The following KIRREL3 variants were observed in gnomAD, a reference collection of about 807,000 sequenced individuals.
The protein encoded by KIRREL3 is kirre like nephrin family adhesion molecule 3.
In KIRREL3, 36 loss-of-function variants were observed where a neutral mutation model predicts 89.7. That is an observed-to-expected ratio of 0.40 (90% CI 0.31 to 0.53). The LOEUF is 0.53. KIRREL3 is among the 20% of genes least tolerant of loss of function. The pLI, the probability that KIRREL3 is intolerant of heterozygous loss-of-function variation, is 0.49. For missense variants in KIRREL3, 864 were observed against 1,056.6 expected, an observed-to-expected ratio of 0.82 and a Z score of 2.53; for synonymous variants, 445 against 441.4, an observed-to-expected ratio of 1.01 and a Z score of -0.10.
At chr11:126,728,656 T>C (rs12807269) in intron 1 of KIRREL3, among the ~76,000 whole-genome samples, 24,495 of 152,016 alleles carry the variant, frequency 0.16, 2,439 homozygotes, top group African/African-American at 0.28. Flanking sequence ...CCTTGACTCT[T>C]TGTATAGGGA....
chr11:126,526,448 C>T lies in KIRREL3; in HGVS notation c.283+90G>A. Reference sequence around the variant, plus strand: ...AGCTAGAGATTCGATACTCAGACACCTGTGAAGATGGGTGCTCCCTAGGAA... The same window carrying T: ...AGCTAGAGATTCGATACTCAGACACTTGTGAAGATGGGTGCTCCCTAGGAA... On this transcript the variant is annotated intron_variant, in intron 3 of 16. Transcript: ENST00000525144. The surrounding 1 kb of genome is among the most constrained non-coding windows in gnomAD (Gnocchi z 5.7). The T allele has an allele frequency of 7.8e-7, 1 of 1,284,900 alleles. No homozygotes were observed. The highest frequency in any genetic ancestry group is 1.4e-5 in the South Asian group (1 of 69,944). 79.6% of individuals were successfully genotyped at this position (1,284,900 alleles called of 1,614,324 possible). A position where few individuals can be genotyped will look rare whatever the true frequency, so the allele number is the denominator to read the frequency against.
rs1391745608 is a variant in KIRREL3 at position 126,544,287 on chromosome 11, C to A, written c.134-17600G>T. 1.3e-5 allele frequency: 2 copies of A among 152,234 alleles called. No homozygotes were observed. The highest frequency in any genetic ancestry group is 2.9e-5 in the Non-Finnish European group (2 of 68,054). 9.4% of individuals were successfully genotyped at this position (152,234 alleles called of 1,614,324 possible). A position where few individuals can be genotyped will look rare whatever the true frequency, so the allele number is the denominator to read the frequency against. On this transcript the variant is annotated intron_variant, in intron 2 of 16. Coordinates refer to ENST00000525144, the MANE Select transcript of KIRREL3 (RefSeq NM_032531.4). The surrounding 1 kb of genome is among the most constrained non-coding windows in gnomAD (Gnocchi z 5.6). ...AATTTACGGGGCAAATACCATTTAA[C>A]TGCACAATAACTGCAGGTCCTTGCT...
chr11:126,479,439 C>G (rs947442018), intron 4 of KIRREL3, among the ~76,000 whole-genome samples: 1 of 152,244 alleles, frequency 6.6e-6, no homozygotes, highest in African/African-American at 2.4e-5. Context: ...CCACTCCAGG[C>G]CAGTGCCCAA....
Position 126,791,058 on chromosome 11 carries a change from G to A in KIRREL3, c.55+209397C>T, listed in dbSNP as rs1950625458. The stretch of plus-strand genomic sequence containing the variant: ...GCATGATGTCACTTCTTAGCTTTGG[G>A]AGGAAAAAATGAGTGATCCTTGAAA... On this transcript the variant is annotated intron_variant, in intron 1 of 16. Transcript: ENST00000525144. The surrounding 1 kb of genome is among the most constrained non-coding windows in gnomAD (Gnocchi z 4.8). Among the ~76,000 whole-genome samples, 2 of 152,250 alleles carry A rather than the reference G, an allele frequency of 1.3e-5. No individual in the cohort carries two copies. Among genetic ancestry groups the A allele is most frequent in the African/African-American group, 4.8e-5 (2 of 41,552 alleles).
At position 126,463,010 on chromosome 11, in the gene KIRREL3, C is replaced by T; in HGVS notation, c.742+147G>A. 1.4e-6 allele frequency: 1 copy of T among 701,648 alleles called. No individual in the cohort carries two copies. The allele number at this position is 701,648 out of a possible 1,614,324, so 43.5% of individuals were successfully genotyped here. On this transcript the variant is annotated intron_variant, in intron 6 of 16. Transcript: ENST00000525144. This position sits in a 1 kb window ranked among gnomAD's most constrained non-coding sequence, Gnocchi z 5.9. ...TGACAGTAAGGAAGACAAGATGGTC[C>T]TTCCTGTCCGTATCTACAAGCTGGC...
intron 4 of KIRREL3, among the ~76,000 whole-genome samples, chr11:126,502,594 A>G (rs2134371661): frequency 6.6e-6 from 1 of 152,336 alleles, no homozygotes; most frequent in East Asian, 1.9e-4. Context: ...TCTAGTCAAT[A>G]AATAAGTGGG....
rs1004535144 is a variant in KIRREL3, at chr11:126,830,060, A to G, written c.55+170395T>C. Reference sequence around the variant, plus strand: ...AAATAAATCCAAGAGTATGGCATTAATAGCCATGTTATGATCTTAAACCTT... The same window carrying G: ...AAATAAATCCAAGAGTATGGCATTAGTAGCCATGTTATGATCTTAAACCTT... On this transcript the variant is annotated intron_variant, in intron 1 of 16. Transcript: ENST00000525144. The surrounding 1 kb of genome is among the most constrained non-coding windows in gnomAD (Gnocchi z 4.9). Among the ~76,000 whole-genome samples, 2 of 152,210 alleles carry G rather than the reference A, an allele frequency of 1.3e-5. No homozygotes were observed. Among genetic ancestry groups the G allele is most frequent in the South Asian group, 2.1e-4 (1 of 4,816 alleles).
chr11:126,781,903 A>G (rs948122534), intron 1 of KIRREL3, among the ~76,000 whole-genome samples: 1 of 152,288 alleles, frequency 6.6e-6, no homozygotes. Context: ...GTTGCTGAAA[A>G]TTTCCCTAAA....
At position 126,805,431 on chromosome 11, in the gene KIRREL3, A is replaced by G. The variant is rs963966519; in HGVS notation, c.55+195024T>C. 3.3e-5 allele frequency among the ~76,000 whole-genome samples: 5 copies of G among 152,296 alleles called. No homozygotes were observed. The East Asian group carries it at 7.7e-4, about 24-fold the overall frequency. On this transcript the variant is annotated intron_variant, in intron 1 of 16. Coordinates refer to ENST00000525144, the MANE Select transcript of KIRREL3 (RefSeq NM_032531.4). This position sits in a 1 kb window ranked among gnomAD's most constrained non-coding sequence, Gnocchi z 4.3. ...CAAAGGTCCTAGTGCACCTCTTTAG[A>G]CAGTTTCCCACACAAGCCTCAGCCC...
chr11:126,464,498 T>A, intron 5 of KIRREL3, among the ~76,000 whole-genome samples: 1 of 151,726 alleles, frequency 6.6e-6, no homozygotes, highest in Admixed American at 6.6e-5. Flanking sequence ...GCCACTGTAC[T>A]CCAGCCAGGG....
chr11:126,552,550 G>GTTTTTGTTTT (rs1939351379), intron 2 of KIRREL3, among the ~76,000 whole-genome samples: 1 of 81,752 alleles, frequency 1.2e-5, no homozygotes, highest in African/African-American at 4.3e-5. Context: ...AGAGAGAAAA[G>GTTTTTGTTTT]TTTTTTTTTT....
In KIRREL3 at chr11:126,664,563, C is replaced by T. The variant is rs1371009077; in HGVS notation, c.56-101651G>A. On this transcript the variant is annotated intron_variant, in intron 1 of 16. Transcript: ENST00000525144. The surrounding 1 kb of genome is among the most constrained non-coding windows in gnomAD (Gnocchi z 5.4). Reference sequence around the variant, plus strand: ...GGATACTGAAAGGGATGAAGAAGTTCGGCCTCACCTCTTGAGGATCATTTC... The same window carrying T: ...GGATACTGAAAGGGATGAAGAAGTTTGGCCTCACCTCTTGAGGATCATTTC... 6.6e-6 allele frequency among the ~76,000 whole-genome samples: 1 copy of T among 152,192 alleles called. No individual in the cohort carries two copies. Among genetic ancestry groups the T allele is most frequent in the Non-Finnish European group, 1.5e-5 (1 of 68,036 alleles).
chr11:126,618,694 C>A (rs1943456670), intron 1 of KIRREL3, among the ~76,000 whole-genome samples: 1 of 152,324 alleles, frequency 6.6e-6, no homozygotes, highest in African/African-American at 2.4e-5. Context: ...CTTGGCCTCC[C>A]AAAGCGCTGG....
At position 126,751,667 on chromosome 11, in the gene KIRREL3, GA is replaced by G. The variant is rs368506233; in HGVS notation, c.56-188756del. Among the ~76,000 whole-genome samples the G allele has an allele frequency of 9.9e-3, 1,419 of 143,288 alleles. 14 individuals are homozygous for G. Among genetic ancestry groups the G allele is most frequent in the African/African-American group, 0.028 (1,115 of 39,230 alleles). The allele number at this position is 143,288 out of a possible 152,430, so 94.0% of individuals were successfully genotyped here. ...ATCCTCACTAAATATTCTTTTTGAG[GA>G]AAAAAAAAAAGAAAATAGTGAGAAC... On this transcript the variant is annotated intron_variant, in intron 1 of 16. Coordinates refer to ENST00000525144, the MANE Select transcript of KIRREL3 (RefSeq NM_032531.4).
At chr11:126,774,183 T>TAA (rs1431553024) in intron 1 of KIRREL3, among the ~76,000 whole-genome samples, 1 of 105,086 alleles carries the variant, frequency 9.5e-6, no homozygotes, top group African/African-American at 3.8e-5. Context: ...TTTTTTTTTT[T>TAA]AAATAAATGA....
intron 1 of KIRREL3, among the ~76,000 whole-genome samples, chr11:126,665,967 G>A (rs764493529): frequency 2.0e-5 from 3 of 152,216 alleles, no homozygotes; most frequent in Non-Finnish European, 2.9e-5. Flanking sequence ...ACTTAGAGTA[G>A]TTTATACTTA....
intron 2 of KIRREL3, among the ~76,000 whole-genome samples, chr11:126,533,686 G>C (rs1193605764): frequency 6.6e-6 from 1 of 152,226 alleles, no homozygotes; most frequent in Non-Finnish European, 1.5e-5. Context: ...GATGAAGGCA[G>C]ATAGTGCAGT....
In KIRREL3 at chr11:126,983,580, T is replaced by C. The variant is rs533818345; in HGVS notation, c.55+16875A>G. Among the ~76,000 whole-genome samples, 1 of 152,142 alleles carries C rather than the reference T, an allele frequency of 6.6e-6. No individual in the cohort carries two copies. Among genetic ancestry groups the C allele is most frequent in the African/African-American group, 2.4e-5 (1 of 41,502 alleles). ...GAGTCAGTAGTAGGTGAGGTGAAGA[T>C]GGAAGCAAGAGGTTGGAGTGAAGGG... On this transcript the variant is annotated intron_variant, in intron 1 of 16. Transcript: ENST00000525144. This position sits in a 1 kb window ranked among gnomAD's most constrained non-coding sequence, Gnocchi z 4.9.
chr11:126,538,383 C>A (rs1050350491), intron 2 of KIRREL3, among the ~76,000 whole-genome samples: 4 of 152,112 alleles, frequency 2.6e-5, no homozygotes, highest in African/African-American at 7.2e-5. Flanking sequence ...GAGAAGCAAG[C>A]AAATAGGAAG....
Sources: gnomAD v4.1 joint callset for allele counts (sites outside exome capture counted in the v4.1 genomes callset) on GRCh38, gnomAD v4.1.1 for gene constraint, Gnocchi (gnomAD v3.1) non-coding constraint, MANE v1.5 for transcripts, NCBI Gene and HGNC (gene_info 2026-07-23, HGNC 2026-07-21) for gene names.